Variants in CSMD1 observed in about 807,000 individuals in gnomAD.
CSMD1 encodes the protein CUB and sushi domain-containing protein 1.
Under a neutral mutation model 417.5 loss-of-function variants are expected in CSMD1, and 213 were observed. The observed-to-expected ratio is 0.51, with a 90% CI of 0.46 to 0.57. The LOEUF is 0.57. Among genes scored for constraint, CSMD1 ranks in the 20% least tolerant of loss-of-function variants. The pLI is 0.00. For synonymous variants in CSMD1, 2,862 were observed against 1,736.8 expected, an observed-to-expected ratio of 1.65 and a Z score of -16.11; for missense variants, 6,923 against 4,529.7, an observed-to-expected ratio of 1.53 and a Z score of -15.17.
intron 3 of CSMD1, among the ~76,000 whole-genome samples, chr8:4,064,295 C>G (rs182571189): frequency 3.7e-4 from 57 of 152,292 alleles, no homozygotes; most frequent in African/African-American, 1.2e-3. Context: ...ATTTTATATC[C>G]TGCAATGTTC....
intron 3 of CSMD1, among the ~76,000 whole-genome samples, chr8:4,320,362 T>TTTA (rs1283835427): frequency 1.3e-5 from 2 of 151,638 alleles, no homozygotes; most frequent in East Asian, 1.9e-4. Flanking sequence ...ATAAACCTTT[T>TTTA]TTATTATTAT....
intron 3 of CSMD1, among the ~76,000 whole-genome samples, chr8:4,258,181 G>A (rs1803595094): frequency 6.7e-6 from 1 of 150,142 alleles, no homozygotes. Context: ...CTGGCCTCAA[G>A]CAATCTTCCT....
At chr8:3,424,121 G>C (rs1211539864) in intron 12 of CSMD1, among the ~76,000 whole-genome samples, 3 of 152,084 alleles carry the variant, frequency 2.0e-5, no homozygotes, top group Non-Finnish European at 4.4e-5. Context: ...AAATTTATCA[G>C]TATAGGAAGC....
At chr8:3,696,825 A>G (rs1391909048) in intron 7 of CSMD1, among the ~76,000 whole-genome samples, 1 of 152,230 alleles carries the variant, frequency 6.6e-6, no homozygotes, top group African/African-American at 2.4e-5. Context: ...TTTGAATTAA[A>G]ATGTATTCCC....
chr8:4,797,119 A>C (rs1159227944), intron 1 of CSMD1, among the ~76,000 whole-genome samples: 1 of 152,190 alleles, frequency 6.6e-6, no homozygotes, highest in Admixed American at 6.5e-5. Context: ...TACAGATGTG[A>C]TTGCAGAGGC....
intron 7 of CSMD1, among the ~76,000 whole-genome samples, chr8:3,645,134 T>C (rs1797514616): frequency 6.6e-6 from 1 of 152,078 alleles, no homozygotes; most frequent in Admixed American, 6.5e-5. Context: ...CAAAGCCAAA[T>C]CAGGATGAGT....
rs761371319 is a variant in CSMD1, at chr8:3,205,568, G to C, written c.4920C>G (p.Asn1640Lys). The change falls in exon 31 of 70, where the codon AAC becomes AAG. Residue 1640 changes from asparagine to lysine, a missense_variant. Physicochemically the swap from Asn to Lys is moderately conservative, Grantham distance 94. Coordinates refer to ENST00000635120, the MANE Select transcript of CSMD1 (RefSeq NM_033225.6). Reference sequence around the variant, plus strand: ...GACCAGCTGTGTAATTATGGGGGTAGTTTGGTGATAAAACTACCCCTTCTG... The same window carrying C: ...GACCAGCTGTGTAATTATGGGGGTACTTTGGTGATAAAACTACCCCTTCTG... ...TGSEGVVLSP[N>K]YPHNYTAGQI... The C allele has an allele frequency of 6.2e-7, 1 of 1,602,000 alleles. No individual in the cohort carries two copies. Among genetic ancestry groups the C allele is most frequent in the Non-Finnish European group, 8.5e-7 (1 of 1,173,182 alleles).
At chr8:4,286,983 G>T (rs553256005) in intron 3 of CSMD1, among the ~76,000 whole-genome samples, 2 of 152,076 alleles carry the variant, frequency 1.3e-5, no homozygotes, top group Non-Finnish European at 2.9e-5. Context: ...TGACATCCAC[G>T]CCAAGTAAAG....
intron 8 of CSMD1, among the ~76,000 whole-genome samples, chr8:3,595,078 T>A (rs928965179): frequency 6.6e-6 from 1 of 152,182 alleles, no homozygotes; most frequent in Non-Finnish European, 1.5e-5. Context: ...TTAAAATAAA[T>A]GCTTTAGGTA....
rs928796490 is a variant in CSMD1 at position 3,107,817 on chromosome 8, G to T, written c.6755-19C>A. 9.4e-6 allele frequency: 14 copies of T among 1,494,666 alleles called. No individual in the cohort carries two copies. The highest frequency in any genetic ancestry group is 1.7e-4 in the Middle Eastern group (1 of 5,850). The allele number at this position is 1,494,666 out of a possible 1,614,324, so 92.6% of individuals were successfully genotyped here. A position where few individuals can be genotyped will look rare whatever the true frequency, so the allele number is the denominator to read the frequency against. The stretch of plus-strand genomic sequence containing the variant: ...TGAAATGCTAAATGATTAATGGAAA[G>T]AATAATAATAATTGCAATTACACTT... On this transcript the variant is annotated intron_variant, in intron 44 of 69. Transcript: ENST00000635120.
intron 49 of CSMD1, among the ~76,000 whole-genome samples, chr8:3,073,021 CT>C (rs1813418640): frequency 6.6e-6 from 1 of 152,242 alleles, no homozygotes; most frequent in South Asian, 2.1e-4. Context: ...TTTTTCCACT[CT>C]TTTTTGTAAA....
chr8:4,546,307 T>A (rs1344944970), intron 2 of CSMD1, among the ~76,000 whole-genome samples: 4 of 152,192 alleles, frequency 2.6e-5, no homozygotes, highest in Non-Finnish European at 5.9e-5. Flanking sequence ...CCATTTATGA[T>A]GGTAAATTTT....
intron 2 of CSMD1, among the ~76,000 whole-genome samples, chr8:4,477,982 G>T (rs1211407947): frequency 6.6e-6 from 1 of 152,152 alleles, no homozygotes; most frequent in Non-Finnish European, 1.5e-5. Context: ...TTCTATCCAT[G>T]CAGAAAACTG....
chr8:4,716,722 TA>T (rs1808682728), intron 1 of CSMD1, among the ~76,000 whole-genome samples: 2 of 152,188 alleles, frequency 1.3e-5, no homozygotes, highest in Non-Finnish European at 2.9e-5. Flanking sequence ...TTTAATTTTG[TA>T]GTCTTGTGAG....
At chr8:4,312,589 G>A (rs1798691351) in intron 3 of CSMD1, among the ~76,000 whole-genome samples, 1 of 150,768 alleles carries the variant, frequency 6.6e-6, no homozygotes. Context: ...ATGTATTAAA[G>A]TTGTTGGCCA....
chr8:4,508,011 T>C (rs956974982), intron 2 of CSMD1, among the ~76,000 whole-genome samples: 2 of 150,012 alleles, frequency 1.3e-5, no homozygotes, highest in African/African-American at 4.9e-5. Flanking sequence ...TGAACGTTTC[T>C]CAGTCACAAG....
chr8:3,286,321 T>A (rs947459348), intron 25 of CSMD1, among the ~76,000 whole-genome samples: 2 of 152,192 alleles, frequency 1.3e-5, no homozygotes, highest in African/African-American at 4.8e-5. Flanking sequence ...GCATGATTTA[T>A]AATCCTTTGG....
intron 1 of CSMD1, among the ~76,000 whole-genome samples, chr8:4,666,894 T>G (rs753898598): frequency 2.5e-4 from 38 of 152,300 alleles, no homozygotes; most frequent in Non-Finnish European, 3.8e-4. Context: ...GTGCTCCTGC[T>G]TTTTGTGTGT....
intron 2 of CSMD1, among the ~76,000 whole-genome samples, chr8:4,635,840 A>C (rs181832553): frequency 6.6e-6 from 1 of 152,246 alleles, no homozygotes; most frequent in East Asian, 1.9e-4. Context: ...AAATGTAATA[A>C]AAGGACAGAG....
Sources: gnomAD v4.1 joint callset for allele counts (sites outside exome capture counted in the v4.1 genomes callset) on GRCh38, gnomAD v4.1.1 for gene constraint, MANE v1.5 for transcripts, NCBI Gene and HGNC (gene_info 2026-07-23, HGNC 2026-07-21) for gene names.